CMSS1: variants seen among roughly 807,000 people sequenced by gnomAD.
CMSS1 encodes cms1 ribosomal small subunit homolog.
A neutral mutation model predicts 43.5 loss-of-function variants in CMSS1; 33 were observed. That is an observed-to-expected ratio of 0.76 (90% CI 0.57 to 1.01). The LOEUF (loss-of-function observed/expected upper bound fraction) is 1.01. Ranked by LOEUF, CMSS1 falls within the 50% of genes least tolerant of loss-of-function variation. CMSS1 has a pLI of 0.00. For missense variants in CMSS1, 313 were observed against 326.4 expected (o/e 0.96, Z 0.32); for synonymous variants, 115 against 117.2 (o/e 0.98, Z 0.12).
chr3:99,905,190 T>C (rs1222732376), intron 1 of CMSS1, among the ~76,000 whole-genome samples: 2 of 152,252 alleles, frequency 1.3e-5, no homozygotes, highest in Admixed American at 6.5e-5. Flanking sequence ...GCCAACTCTT[T>C]GCTTTCCACA....
intron 1 of CMSS1, among the ~76,000 whole-genome samples, chr3:100,111,431 G>A (rs1176649304): frequency 4.6e-5 from 7 of 152,168 alleles, no homozygotes; most frequent in Non-Finnish European, 1.0e-4. Flanking sequence ...TCTATCTGCT[G>A]AACAGGGAAT....
intron 1 of CMSS1, among the ~76,000 whole-genome samples, chr3:99,874,979 G>C (rs1341965339): frequency 6.6e-6 from 1 of 152,170 alleles, no homozygotes; most frequent in East Asian, 1.9e-4. Context: ...GGCAGCCTAT[G>C]AATTCTGAGT....
At chr3:99,886,959 G>T (rs906179472) in intron 1 of CMSS1, among the ~76,000 whole-genome samples, 10 of 133,614 alleles carry the variant, frequency 7.5e-5, no homozygotes, top group African/African-American at 2.6e-4. Context: ...AGCAGAGGGA[G>T]ACTCCATCTC....
intron 1 of CMSS1, among the ~76,000 whole-genome samples, chr3:100,119,838 T>C (rs1171248677): frequency 6.6e-6 from 1 of 152,254 alleles, no homozygotes; most frequent in East Asian, 1.9e-4. Flanking sequence ...CTGTTCTTAA[T>C]GTTCCTTAAG....
intron 1 of CMSS1, among the ~76,000 whole-genome samples, chr3:99,827,184 A>G (rs1942550831): frequency 6.6e-6 from 1 of 152,134 alleles, no homozygotes; most frequent in African/African-American, 2.4e-5. Flanking sequence ...TTGTTAAAAT[A>G]TAACTTTATT....
chr3:99,950,536 C>T (rs760208892), intron 1 of CMSS1, among the ~76,000 whole-genome samples: 14 of 152,226 alleles, frequency 9.2e-5, no homozygotes, highest in Middle Eastern at 6.8e-3. Context: ...ACTTTCCTTC[C>T]TTTTCAGCTA....
intron 1 of CMSS1, among the ~76,000 whole-genome samples, chr3:99,882,636 C>T (rs1349409430): frequency 6.6e-6 from 1 of 152,106 alleles, no homozygotes; most frequent in Non-Finnish European, 1.5e-5. Context: ...AAGGGACTTG[C>T]CCCAAGGTCA....
intron 2 of CMSS1, among the ~76,000 whole-genome samples, chr3:100,148,111 C>T (rs570331734): frequency 5.9e-5 from 9 of 152,258 alleles, no homozygotes; most frequent in Admixed American, 3.9e-4. Context: ...TAGGGTCTTG[C>T]TCTGTTGCCC....
intron 1 of CMSS1, among the ~76,000 whole-genome samples, chr3:99,890,659 C>A (rs530207020): frequency 4.0e-5 from 6 of 151,380 alleles, no homozygotes; most frequent in African/African-American, 1.4e-4. Flanking sequence ...CCCAAAGTTT[C>A]TATTTGTTTT....
intron 1 of CMSS1, among the ~76,000 whole-genome samples, chr3:99,856,283 G>A (rs556459827): frequency 1.1e-4 from 17 of 152,350 alleles, no homozygotes; most frequent in African/African-American, 4.1e-4. Context: ...AAAAGGAGAA[G>A]TCATAGAACA....
intron 1 of CMSS1, among the ~76,000 whole-genome samples, chr3:100,077,994 G>A (rs982856696): frequency 5.3e-5 from 8 of 152,100 alleles, no homozygotes; most frequent in Middle Eastern, 3.4e-3. Flanking sequence ...TGGAATGTCA[G>A]TCGTTTAACA....
intron 1 of CMSS1, among the ~76,000 whole-genome samples, chr3:99,847,423 C>A (rs1396932318): frequency 1.3e-5 from 2 of 151,286 alleles, no homozygotes; most frequent in African/African-American, 4.9e-5. Flanking sequence ...TGGTTGTAGA[C>A]ATACATGTTC....
At chr3:100,028,818 A>G (rs957003677) in intron 1 of CMSS1, among the ~76,000 whole-genome samples, 8 of 152,188 alleles carry the variant, frequency 5.3e-5, no homozygotes, top group African/African-American at 1.7e-4. Context: ...CACCAACTGT[A>G]CTAGACTCCA....
chr3:99,963,680 C>T (rs1435179464), intron 1 of CMSS1, among the ~76,000 whole-genome samples: 1 of 151,712 alleles, frequency 6.6e-6, no homozygotes, highest in African/African-American at 2.4e-5. Flanking sequence ...GGCGTGATCT[C>T]GGTTCACTGC....
chr3:99,940,747 C>T (rs1423287629), intron 1 of CMSS1, among the ~76,000 whole-genome samples: 2 of 152,196 alleles, frequency 1.3e-5, no homozygotes, highest in Non-Finnish European at 2.9e-5. Flanking sequence ...TTTTAGGTAA[C>T]AATAGATCAC....
rs61704772 is a variant in CMSS1, at chr3:100,021,915, T to TTGTGTG, written c.65-125017_65-125012dup. 9.4e-3 allele frequency among the ~76,000 whole-genome samples: 1,000 copies of TTGTGTG among 105,880 alleles called. 3 individuals carry two copies. Among genetic ancestry groups the TTGTGTG allele is most frequent in the Non-Finnish European group, 0.013 (706 of 54,396 alleles). The allele number at this position is 105,880 out of a possible 152,430, so 69.5% of individuals were successfully genotyped here. On this transcript the variant is annotated intron_variant, in intron 1 of 9. Coordinates refer to ENST00000421999, the MANE Select transcript of CMSS1 (RefSeq NM_032359.4). ...AGAATAGCTTGGATGCTAGATCCCA[T>TTGTGTG]TGTGTGTGTGTGTGTGTGTGTGTGT...
Position 99,874,736 on chromosome 3 carries a change from C to T in CMSS1, c.64+56693C>T, listed in dbSNP as rs1370472305. ...ATTAGAAATATACAGATATAACCCA[C>T]ATTTTGAGTATTTTTTAAATGCTGT... On this transcript the variant is annotated intron_variant, in intron 1 of 9. Transcript: ENST00000421999. 5.9e-5 allele frequency among the ~76,000 whole-genome samples: 9 copies of T among 152,172 alleles called. 1 individual carries two copies. Among genetic ancestry groups the T allele is most frequent in the Non-Finnish European group, 1.3e-4 (9 of 68,020 alleles).
At chr3:100,147,719 A>G (rs1374502283) in intron 2 of CMSS1, among the ~76,000 whole-genome samples, 1 of 152,196 alleles carries the variant, frequency 6.6e-6, no homozygotes, top group African/African-American at 2.4e-5. Flanking sequence ...GTTATCACAC[A>G]CTAGAGTGCA....
chr3:99,978,092 T>C (rs1709021897), intron 1 of CMSS1, among the ~76,000 whole-genome samples: 1 of 152,164 alleles, frequency 6.6e-6, no homozygotes, highest in African/African-American at 2.4e-5. Flanking sequence ...TTTTTAAAGC[T>C]CTACCTCTGG....
Sources: gnomAD v4.1 joint callset for allele counts (sites outside exome capture counted in the v4.1 genomes callset) on GRCh38, gnomAD v4.1.1 for gene constraint, MANE v1.5 for transcripts, NCBI Gene and HGNC (gene_info 2026-07-23, HGNC 2026-07-21) for gene names.